IGSF10: variants seen among roughly 807,000 people sequenced by gnomAD.
IGSF10 encodes calvaria mechanical force protein 608.
A neutral mutation model predicts 128.2 loss-of-function variants in IGSF10; 126 were observed. The ratio of observed to expected loss-of-function variants is 0.98; its 90% CI spans 0.85 to 1.14. The LOEUF (loss-of-function observed/expected upper bound fraction) is 1.14. Ranked by LOEUF, IGSF10 falls within the 50% of genes most tolerant of loss-of-function variation. IGSF10 has a pLI of 0.00. For missense variants in IGSF10, 3,295 were observed against 3,149.8 expected (o/e 1.05, Z -1.10); for synonymous variants, 1,185 against 1,146.2 (o/e 1.03, Z -0.68).
intron 5 of IGSF10, 121 bp from the exon 6 acceptor site, chr3:151,449,386 A>C (rs1446210861): frequency 2.1e-6 from 2 of 968,424 alleles, no homozygotes; most frequent in African/African-American, 1.6e-5. Context: ...GTTCAATGGA[A>C]AGTTTTCTGA....
In IGSF10 at chr3:151,446,980, T is replaced by C; in HGVS notation, c.3001A>G (p.Thr1001Ala). The C allele has an allele frequency of 6.2e-7, 1 of 1,614,210 alleles. No homozygotes were observed. Among genetic ancestry groups the C allele is most frequent in the African/African-American group, 1.3e-5 (1 of 75,058 alleles). ...HSQFPIPRNSTVNIPLFRRFG... is the reference protein window; with the variant it reads ...HSQFPIPRNSAVNIPLFRRFG... ...CGTCTGAACAGCGGGATGTTAACTG[T>C]ACTATTTCTAGGGATCGGAAACTGA... The change falls in exon 6 of 8, where the codon ACA (threonine) becomes GCA (alanine). Residue 1001 changes from threonine (T) to alanine (A), a missense_variant. Physicochemically the swap from Thr to Ala is moderately conservative, Grantham distance 58 (BLOSUM62 0). Coordinates refer to ENST00000282466, the MANE Select transcript of IGSF10 (RefSeq NM_178822.5).
At chr3:151,611,245 C>G in the IGSF10 span, among the ~76,000 whole-genome samples, 1 of 152,166 alleles carries the variant, frequency 6.6e-6, no homozygotes, top group South Asian at 2.1e-4. Flanking sequence ...AATGATATCC[C>G]TATAAAATAA....
chr3:151,566,110 CA>C, the IGSF10 span: 12 of 152,696 alleles, frequency 7.9e-5, no homozygotes, highest in African/African-American at 2.9e-4. Flanking sequence ...GCCCTAGCTA[CA>C]TGTCATGAGA....
In IGSF10 at chr3:151,445,085, G is replaced by A. The variant is rs1577667914; in HGVS notation, c.4896C>T (p.Ser1632=). 1 of 1,614,184 alleles carries A rather than the reference G, an allele frequency of 6.2e-7. No homozygotes were observed. The highest frequency in any genetic ancestry group is 8.5e-7 in the Non-Finnish European group (1 of 1,180,028). The change falls in exon 6 of 8, where the codon TCC becomes TCT. Residue 1632 remains serine (S), a synonymous_variant. Transcript: ENST00000282466. The part of the protein sequence containing the change: ...DKKPVQEATT[S]KLLPFDSLSR... The stretch of plus-strand genomic sequence containing the variant: ...ACAAAGAGTCAAAGGGAAGGAGTTT[G>A]GAAGTTGTTGCTTCTTGAACTGGTT...
the IGSF10 span, among the ~76,000 whole-genome samples, chr3:151,544,737 G>A: frequency 1.4e-5 from 2 of 140,896 alleles, no homozygotes; most frequent in Non-Finnish European, 3.1e-5. Context: ...GCATTGTGAT[G>A]TCCTTTGCTG....
chr3:151,591,551 AAGGGAATCATAAATAGAAATTACCTTT>A, the IGSF10 span, among the ~76,000 whole-genome samples: 1 of 151,650 alleles, frequency 6.6e-6, no homozygotes, highest in South Asian at 2.1e-4. Flanking sequence ...GAAGGAGAAA[AAGGGAATCATAAATAGAAATTACCTTT>A]AGGGAGTTAA....
At chr3:151,517,160 T>C in the IGSF10 span, among the ~76,000 whole-genome samples, 1 of 151,876 alleles carries the variant, frequency 6.6e-6, no homozygotes, top group African/African-American at 2.4e-5. Context: ...TTAAATTCTA[T>C]TGTGAAAGTT....
chr3:151,439,997 A>G (rs1189714825), intron 7 of IGSF10, among the ~76,000 whole-genome samples: 1 of 152,186 alleles, frequency 6.6e-6, no homozygotes, highest in Non-Finnish European at 1.5e-5. Context: ...CAAGTCAAAC[A>G]GCCTCAAGTC....
chr3:151,460,211 C>G (rs192635885), intron 2 of IGSF10, 50 bp downstream of exon 2: 8 of 527,910 alleles, frequency 1.5e-5, no homozygotes, highest in African/African-American at 2.1e-5. Context: ...AAGGGATTCT[C>G]ACAAACGTAA....
chr3:151,469,602 CT>C, the IGSF10 span, among the ~76,000 whole-genome samples: 179 of 152,268 alleles, frequency 1.2e-3, 1 homozygote, highest in Non-Finnish European at 1.4e-3. Flanking sequence ...TGTAATACCC[CT>C]GATCTCTCAA....
chr3:151,555,424 T>C, the IGSF10 span, among the ~76,000 whole-genome samples: 2 of 152,090 alleles, frequency 1.3e-5, no homozygotes, highest in African/African-American at 2.4e-5. Context: ...TTCATCTAGT[T>C]GAGTCAGTTA....
chr3:151,443,814 C>T lies in IGSF10; in HGVS notation c.5133G>A (p.Gln1711=). ...QVLPNGTLSI[Q]RVEIQDRGQY... is the part of the protein sequence containing the mutation. ...GTCCGCGGTCCTGAATTTCCACCCT[C>T]TGGATGGACAGGGTACCATTGGGGA... is the stretch of plus-strand genomic sequence containing the variant. The change falls in exon 7 of 8, where the codon CAG becomes CAA. Residue 1711 remains glutamine (Q), a synonymous_variant. Transcript: ENST00000282466. 1.2e-6 allele frequency: 2 copies of T among 1,613,776 alleles called. No individual in the cohort carries two copies.
intron 4 of IGSF10, among the ~76,000 whole-genome samples, chr3:151,454,019 CT>C (rs142736294): frequency 0.031 from 3,928 of 126,478 alleles, 85 homozygotes; most frequent in African/African-American, 0.075. Context: ...TTTTCTTTTT[CT>C]TTTTTTTTTT....
chr3:151,447,331 C>T lies in IGSF10; in HGVS notation c.2650G>A (p.Gly884Ser), dbSNP rs540270721. The change falls in exon 6 of 8, where the codon GGC becomes AGC. Residue 884 changes from glycine to serine, a missense_variant. Gly to Ser is a moderately conservative substitution (Grantham distance 56). Transcript: ENST00000282466. ...GTGGATGAATGTTGATTGGTTGTGC[C>T]TTGTATTTGGCTTGACATGGTTGGG... ...INPTMSSQIQ[G>S]TTNQHSSTVF... The T allele has an allele frequency of 5.0e-6, 8 of 1,614,068 alleles. No homozygotes were observed. The South Asian group carries it at 8.8e-5, about 18-fold the overall frequency.
At chr3:151,560,174 C>A in the IGSF10 span, among the ~76,000 whole-genome samples, 1 of 152,092 alleles carries the variant, frequency 6.6e-6, no homozygotes, top group African/African-American at 2.4e-5. Flanking sequence ...TTAATAGTTG[C>A]CCTTTTGTAA....
At chr3:151,547,492 A>T in the IGSF10 span, among the ~76,000 whole-genome samples, 1 of 151,824 alleles carries the variant, frequency 6.6e-6, no homozygotes, top group South Asian at 2.1e-4. Context: ...CCAATTGTCT[A>T]GGTCTTCTCT....
upstream of IGSF10, among the ~76,000 whole-genome samples, chr3:151,464,493 C>T (rs1310087606): frequency 9.0e-6 from 1 of 111,428 alleles, no homozygotes; most frequent in African/African-American, 3.9e-5. Flanking sequence ...TTTACATCAC[C>T]CTCCTAATCA....
At position 151,443,523 on chromosome 3, in the gene IGSF10, G is replaced by A. The variant is rs753558851; in HGVS notation, c.5424C>T (p.His1808=). 3 of 1,614,232 alleles carry A rather than the reference G, an allele frequency of 1.9e-6. No homozygotes were observed. In the Admixed American group the frequency reaches 5.0e-5, roughly 27 times the overall value. The change falls in exon 7 of 8, where the codon CAC becomes CAT. Residue 1808 remains histidine (H), a synonymous_variant. Transcript: ENST00000282466. The part of the protein sequence containing the change: ...VVTVDGTLVL[H]NLSIYDRGFY... Reference sequence around the variant, plus strand: ...AGCCACGGTCATAAATACTGAGATTGTGGAGGACCAATGTTCCGTCAACCG... The same window carrying A: ...AGCCACGGTCATAAATACTGAGATTATGGAGGACCAATGTTCCGTCAACCG...
chr3:151,564,997 C>G, the IGSF10 span, among the ~76,000 whole-genome samples: 1 of 152,168 alleles, frequency 6.6e-6, no homozygotes, highest in African/African-American at 2.4e-5. Context: ...CAGAGGCAAG[C>G]TAAGTAACTT....
Sources: allele counts gnomAD v4.1 joint callset (sites outside exome capture counted in the v4.1 genomes callset), GRCh38; gene constraint gnomAD v4.1.1; transcripts MANE v1.5; gene names NCBI Gene and HGNC (gene_info 2026-07-23, HGNC 2026-07-21).